WDR6: variants seen among roughly 807,000 people sequenced by gnomAD.
WDR6 encodes tRNA (34-2'-O)-methyltransferase regulator WDR6.
Under a neutral mutation model 85.6 loss-of-function variants are expected in WDR6, and 58 were observed. That is an observed-to-expected ratio of 0.68 (90% confidence interval 0.55 to 0.84). The LOEUF (loss-of-function observed/expected upper bound fraction) is 0.84, where lower values mean the gene tolerates loss of function less well. WDR6 is among the 40% of genes least tolerant of loss of function. The pLI, the probability that WDR6 is intolerant of heterozygous loss-of-function variation, is 0.00. For synonymous variants in WDR6, 569 were observed against 582.2 expected, an observed-to-expected ratio of 0.98 and a Z score of 0.33; for missense variants, 1,310 against 1,476.4, an observed-to-expected ratio of 0.89 and a Z score of 1.85.
In WDR6 at chr3:49,014,010, A is replaced by G. The variant is rs1233903912; in HGVS notation, c.2476A>G (p.Ser826Gly). 1 of 1,611,744 alleles carries G rather than the reference A, an allele frequency of 6.2e-7. No homozygotes were observed. The highest frequency in any genetic ancestry group is 8.5e-7 in the Non-Finnish European group (1 of 1,179,994). The stretch of plus-strand genomic sequence containing the variant: ...GGTTACTCCGGACCCCAGCACCCCA[A>G]GCCGCCTCGCCTGCCATGTCATGCA... Reference protein sequence around the residue: ...IMVTPDPSTPSRLACHVMHLS... With the variant: ...IMVTPDPSTPGRLACHVMHLS... The change falls in exon 2 of 6, where the codon AGC becomes GGC. Residue 826 changes from serine to glycine, a missense_variant. By Grantham distance (56) the Ser-to-Gly change is moderately conservative. Transcript: ENST00000608424. The surrounding 1 kb of genome is among the most constrained non-coding windows in gnomAD (Gnocchi z 4.9).
At chr3:49,010,316 G>A (rs2106688489) in intron 1 of WDR6, among the ~76,000 whole-genome samples, 1 of 151,768 alleles carries the variant, frequency 6.6e-6, no homozygotes, top group Non-Finnish European at 1.5e-5. Context: ...TGAGGCAGGA[G>A]GATGGCGTAA....
intron 1 of WDR6, among the ~76,000 whole-genome samples, chr3:49,010,047 A>G (rs1028975362): frequency 6.6e-6 from 1 of 151,632 alleles, no homozygotes; most frequent in Non-Finnish European, 1.5e-5. Flanking sequence ...TTTTAATTAA[A>G]AAAAAAAAGT....
chr3:49,013,778 G>A lies in WDR6; in HGVS notation c.2244G>A (p.Glu748=). The stretch of plus-strand genomic sequence containing the variant: ...CTGACATTGTGATCACATGTAGTGA[G>A]GACACTACTGTCTGTGTCCTAGCAC... The part of the protein sequence containing the change: ...DLTDIVITCS[E]DTTVCVLALP... Residue 748 remains glutamate (E), a synonymous_variant, in exon 2 of 6, where the codon GAG becomes GAA. Coordinates refer to ENST00000608424, the MANE Select transcript of WDR6 (RefSeq NM_018031.6). The surrounding 1 kb of genome is among the most constrained non-coding windows in gnomAD (Gnocchi z 4.6). 6.2e-7 allele frequency: 1 copy of A among 1,614,098 alleles called. No individual in the cohort carries two copies. Among genetic ancestry groups the A allele is most frequent in the Non-Finnish European group, 8.5e-7 (1 of 1,179,992 alleles).
In WDR6 at chr3:49,015,158, C is replaced by T; in HGVS notation, c.3236C>T (p.Thr1079Ile). ...TFWRLGHGEP[T>I]FMNSTVFHVP... is the part of the protein sequence containing the mutation. ...TGGCGTCTGGGGCATGGTGAACCCA[C>T]CTTCATGAATAGCACTGTGTTCCAT... is the stretch of plus-strand genomic sequence containing the variant. The change falls in exon 6 of 6, where the codon ACC (threonine) becomes ATC (isoleucine). Residue 1079 changes from threonine to isoleucine, a missense_variant. Physicochemically the swap from Thr to Ile is moderately conservative, Grantham distance 89 (BLOSUM62 -1). Coordinates refer to ENST00000608424, the MANE Select transcript of WDR6 (RefSeq NM_018031.6). 6.2e-7 allele frequency: 1 copy of T among 1,613,938 alleles called. No individual in the cohort carries two copies. The highest frequency in any genetic ancestry group is 1.3e-5 in the African/African-American group (1 of 75,058).
chr3:49,014,622 G>C lies in WDR6; in HGVS notation c.2806G>C (p.Ala936Pro). The change falls in exon 5 of 6, where the codon GCT (alanine) becomes CCT (proline). Residue 936 changes from alanine (A) to proline (P), a missense_variant. Coordinates refer to ENST00000608424, the MANE Select transcript of WDR6 (RefSeq NM_018031.6). This position sits in a 1 kb window ranked among gnomAD's most constrained non-coding sequence, Gnocchi z 4.9. ...CAGGAGGCTCCTCCTGTGCAGCGCA[G>C]CTACTGATGGCAGCCTGGCTTTCTG... ...QRRRLLLCSAATDGSLAFWDL... is the reference protein window; with the variant it reads ...QRRRLLLCSAPTDGSLAFWDL... The C allele has an allele frequency of 1.2e-6, 2 of 1,613,678 alleles. No homozygotes were observed. The highest frequency in any genetic ancestry group is 1.7e-6 in the Non-Finnish European group (2 of 1,179,982).
At position 49,007,566 on chromosome 3, in the gene WDR6, G is replaced by A. The variant is rs752619518; in HGVS notation, c.100+35G>A. 3.8e-5 allele frequency: 60 copies of A among 1,562,050 alleles called. No homozygotes were observed. The South Asian group carries it at 6.6e-4, about 17-fold the overall frequency. ...GGCTTGAGGCACGCCTGGTGGAAAG[G>A]GGGAAAGAAACAGCGCCTCCCAGGG... is the stretch of plus-strand genomic sequence containing the variant. On this transcript the variant is annotated intron_variant, in intron 1 of 5. Coordinates refer to ENST00000608424, the MANE Select transcript of WDR6 (RefSeq NM_018031.6). This position sits in a 1 kb window ranked among gnomAD's most constrained non-coding sequence, Gnocchi z 5.1.
rs764285403 is a variant in WDR6, at chr3:49,014,805, CCCTCTT to C, written c.2903-10_2903-5del. 1.9e-6 allele frequency: 3 copies of C among 1,601,642 alleles called. No homozygotes were observed. Among genetic ancestry groups the C allele is most frequent in the East Asian group, 2.2e-5 (1 of 44,732 alleles). On this transcript the variant is annotated splice_polypyrimidine_tract_variant and intron_variant, in intron 5 of 5. Coordinates refer to ENST00000608424, the MANE Select transcript of WDR6 (RefSeq NM_018031.6). This position sits in a 1 kb window ranked among gnomAD's most constrained non-coding sequence, Gnocchi z 4.9. ...GTGGCAGGCGGGGCCCTGACAACTA[CCCTCTT>C]CCTCTTCCTTCAGGGCTTGGCACCC...
chr3:49,009,973 C>T (rs1446953078), intron 1 of WDR6, among the ~76,000 whole-genome samples: 1 of 151,896 alleles, frequency 6.6e-6, no homozygotes, highest in Admixed American at 6.6e-5. Flanking sequence ...AGCGAGCCTC[C>T]TGCCTTCCAA....
Position 49,015,921 on chromosome 3 carries a change from C to A in WDR6, c.*633C>A. On this transcript the variant is annotated 3_prime_UTR_variant, in exon 6 of 6. Coordinates refer to ENST00000608424, the MANE Select transcript of WDR6 (RefSeq NM_018031.6). ...GGCCCATCTCTTTGCTCTTGTGCCC[C>A]AGGCCAGAATAAAGAATAGAGTGTA... is the stretch of plus-strand genomic sequence containing the variant. The A allele has an allele frequency of 6.2e-7, 1 of 1,614,190 alleles. No homozygotes were observed. Among genetic ancestry groups the A allele is most frequent in the South Asian group, 1.1e-5 (1 of 91,086 alleles).
At chr3:49,009,178 G>C (rs746391631) in intron 1 of WDR6, among the ~76,000 whole-genome samples, 1 of 151,766 alleles carries the variant, frequency 6.6e-6, no homozygotes, top group East Asian at 1.9e-4. Context: ...CACCATACCC[G>C]GCCTCTCTAG....
intron 1 of WDR6, 31 bp from the exon 2 acceptor site, chr3:49,011,604 A>C: frequency 1.9e-6 from 3 of 1,612,004 alleles, no homozygotes; most frequent in Non-Finnish European, 2.5e-6. Flanking sequence ...TTAGGTACCT[A>C]GCTCTGACAT....
rs768940972 is a variant in WDR6, at chr3:49,014,164, C to T, written c.2583-46C>T. 2.7e-5 allele frequency: 44 copies of T among 1,613,994 alleles called. No homozygotes were observed. In the Admixed American group the frequency reaches 4.8e-4, roughly 18 times the overall value. ...GTGTGGTATGGGTCATGCAGATGCT[C>T]CCAGGCTTGCAGGCTCCACCTGACA... is the stretch of plus-strand genomic sequence containing the variant. On this transcript the variant is annotated intron_variant, in intron 2 of 5. Transcript: ENST00000608424. The surrounding 1 kb of genome is among the most constrained non-coding windows in gnomAD (Gnocchi z 4.9).
In WDR6 at chr3:49,013,937, T is replaced by A; in HGVS notation, c.2403T>A (p.His801Gln). The A allele has an allele frequency of 6.2e-7, 1 of 1,613,176 alleles. No individual in the cohort carries two copies. Among genetic ancestry groups the A allele is most frequent in the Admixed American group, 1.7e-5 (1 of 60,022 alleles). The change falls in exon 2 of 6, where the codon CAT becomes CAA. Residue 801 changes from histidine to glutamine, a missense_variant. His to Gln is a conservative substitution (Grantham distance 24). Coordinates refer to ENST00000608424, the MANE Select transcript of WDR6 (RefSeq NM_018031.6). The surrounding 1 kb of genome is among the most constrained non-coding windows in gnomAD (Gnocchi z 4.6). ...PQDPQPGLTA[H>Q]VVSAGGRAEM... is the part of the protein sequence containing the mutation. Reference sequence around the variant, plus strand: ...ATCCTCAGCCAGGCCTGACTGCCCATGTGGTGTCTGCGGGGGGGCGGGCTG... The same window carrying A: ...ATCCTCAGCCAGGCCTGACTGCCCAAGTGGTGTCTGCGGGGGGGCGGGCTG...
At position 49,012,901 on chromosome 3, in the gene WDR6, C is replaced by T. The variant is rs751648907; in HGVS notation, c.1367C>T (p.Ser456Leu). 6.2e-6 allele frequency: 10 copies of T among 1,613,690 alleles called. No individual in the cohort carries two copies. The highest frequency in any genetic ancestry group is 2.2e-5 in the South Asian group (2 of 91,046). The change falls in exon 2 of 6, where the codon TCG (serine) becomes TTG (leucine). Residue 456 changes from serine (S) to leucine (L), a missense_variant. By Grantham distance (145) the Ser-to-Leu change is moderately radical. Coordinates refer to ENST00000608424, the MANE Select transcript of WDR6 (RefSeq NM_018031.6). The surrounding 1 kb of genome is among the most constrained non-coding windows in gnomAD (Gnocchi z 4.4). ...RGYEELLLLASGPGGVVACLE... is the reference protein window; with the variant it reads ...RGYEELLLLALGPGGVVACLE... ...TATGAGGAGCTCCTGTTGCTGGCAT[C>T]GGGCCCTGGCGGGGTAGTAGCTTGC...
Position 49,015,629 on chromosome 3 carries a change from C to T in WDR6, c.*341C>T, listed in dbSNP as rs143367268. 1 of 1,613,978 alleles carries T rather than the reference C, an allele frequency of 6.2e-7. No individual in the cohort carries two copies. The highest frequency in any genetic ancestry group is 8.5e-7 in the Non-Finnish European group (1 of 1,180,038). ...GGAGGGAGACCCAGCATAGCCAGGC[C>T]AGTATGGAGCACCTCACGCACAGCT... is the stretch of plus-strand genomic sequence containing the variant. On this transcript the variant is annotated 3_prime_UTR_variant, in exon 6 of 6. Coordinates refer to ENST00000608424, the MANE Select transcript of WDR6 (RefSeq NM_018031.6).
intron 1 of WDR6, chr3:49,011,413 T>TTTG: frequency 6.8e-7 from 1 of 1,468,038 alleles, no homozygotes; most frequent in Admixed American, 2.3e-5. Flanking sequence ...TTTTTTCTTT[T>TTTG]GAGACAGAGT....
chr3:49,011,499 G>C, intron 1 of WDR6, 136 bp from the exon 2 acceptor site: 2 of 1,607,856 alleles, frequency 1.2e-6, no homozygotes, highest in Non-Finnish European at 1.7e-6. Context: ...GATTTTCTAA[G>C]ATTCAAGCTG....
chr3:49,010,433 G>C (rs893914385), intron 1 of WDR6, among the ~76,000 whole-genome samples: 1 of 149,424 alleles, frequency 6.7e-6, no homozygotes, highest in Non-Finnish European at 1.5e-5. Context: ...ACTGATGAGG[G>C]GGCCGGGCAC....
At position 49,012,189 on chromosome 3, in the gene WDR6, G is replaced by GAA; in HGVS notation, c.657_658dup (p.Ser220LysfsTer49). 2 of 1,614,258 alleles carry GAA rather than the reference G, an allele frequency of 1.2e-6. No individual in the cohort carries two copies. The highest frequency in any genetic ancestry group is 1.7e-6 in the Non-Finnish European group (2 of 1,180,048). On this transcript the variant is annotated frameshift_variant, in exon 2 of 6. Transcript: ENST00000608424. LOFTEE classifies it high-confidence loss of function. This position sits in a 1 kb window ranked among gnomAD's most constrained non-coding sequence, Gnocchi z 4.4. ...CATCATCTTCAGCATGTCATACCTGGAAAGCAAGGGATTGCTGGCTACAGC... is the reference window on the plus strand; with the variant it reads ...CATCATCTTCAGCATGTCATACCTGGAAAAAGCAAGGGATTGCTGGCTACAGC...
Sources: allele counts gnomAD v4.1 joint callset (sites outside exome capture counted in the v4.1 genomes callset), GRCh38; gene constraint gnomAD v4.1.1; non-coding constraint Gnocchi (gnomAD v3.1); transcripts MANE v1.5; gene names NCBI Gene and HGNC (gene_info 2026-07-23, HGNC 2026-07-21).